The following CDC42SE2 variants were observed in gnomAD, a reference collection of about 807,000 sequenced individuals.
CDC42SE2 encodes CDC42 small effector protein 2.
In CDC42SE2, 3 loss-of-function variants were observed where a neutral mutation model predicts 11.5. The ratio of observed to expected loss-of-function variants is 0.26; its 90% CI spans 0.12 to 0.67. The LOEUF is 0.67. CDC42SE2 is among the 30% of genes least tolerant of loss of function. The probability of loss-of-function intolerance (pLI) is 0.80; values close to 1 mark genes in which losing one functional copy is unlikely to be tolerated. For synonymous variants in CDC42SE2, 33 were observed against 34.8 expected, an observed-to-expected ratio of 0.95 and a Z score of 0.18; for missense variants, 82 against 106.8, an observed-to-expected ratio of 0.77 and a Z score of 1.02.
intron 1 of CDC42SE2, among the ~76,000 whole-genome samples, chr5:131,306,445 G>A (rs745679872): frequency 6.6e-6 from 1 of 152,092 alleles, no homozygotes; most frequent in Non-Finnish European, 1.5e-5. Flanking sequence ...ATCCTGTTCT[G>A]TTGGTCAGTA....
chr5:131,309,522 T>G (rs1179499038), intron 1 of CDC42SE2, among the ~76,000 whole-genome samples: 1 of 151,056 alleles, frequency 6.6e-6, no homozygotes, highest in Non-Finnish European at 1.5e-5. Flanking sequence ...GAAGGAATGG[T>G]ACCAGTTCCT....
Position 131,266,954 on chromosome 5 carries a change from C to CT in CDC42SE2, c.-455+2810dup, listed in dbSNP as rs34496996. ...TGATGTGTTAAGTAAAAGTGTTTGG[C>CT]TTTTTTTTTTTTTTTTTTTTTTCGG... On this transcript the variant is annotated intron_variant, in intron 1 of 4. Transcript: ENST00000505065. Among the ~76,000 whole-genome samples, 322 of 69,514 alleles carry CT rather than the reference C, an allele frequency of 4.6e-3. 2 individuals carry two copies. The highest frequency in any genetic ancestry group is 0.011 in the Middle Eastern group (1 of 88). 45.6% of individuals were successfully genotyped at this position (69,514 alleles called of 152,430 possible).
chr5:131,360,961 T>C (rs1749687974), intron 3 of CDC42SE2, among the ~76,000 whole-genome samples: 1 of 151,924 alleles, frequency 6.6e-6, no homozygotes, highest in African/African-American at 2.4e-5. Flanking sequence ...TGGTGATGTC[T>C]TTTTTAAAAG....
chr5:131,231,850 G>A, the CDC42SE2 span, among the ~76,000 whole-genome samples: 1 of 151,106 alleles, frequency 6.6e-6, no homozygotes, highest in African/African-American at 2.4e-5. Flanking sequence ...GGAGTGTGGT[G>A]GCACGATCTC....
chr5:131,265,650 A>C (rs1032190775), intron 1 of CDC42SE2, among the ~76,000 whole-genome samples: 1 of 152,214 alleles, frequency 6.6e-6, no homozygotes, highest in Admixed American at 6.5e-5. Context: ...CAGTTGGGAA[A>C]GATGGCAGGT....
chr5:131,290,714 A>G (rs530281814), intron 1 of CDC42SE2, among the ~76,000 whole-genome samples: 1 of 152,072 alleles, frequency 6.6e-6, no homozygotes, highest in South Asian at 2.1e-4. Context: ...TCCTGGGCTC[A>G]AGTGATCTGC....
chr5:131,268,699 G>T (rs910328638), intron 1 of CDC42SE2, among the ~76,000 whole-genome samples: 1 of 147,854 alleles, frequency 6.8e-6, no homozygotes, highest in African/African-American at 2.5e-5. Flanking sequence ...TGATCTGCCT[G>T]CCTTAGCCTC....
chr5:131,335,387 G>C (rs561657283), intron 2 of CDC42SE2, among the ~76,000 whole-genome samples: 68 of 152,178 alleles, frequency 4.5e-4, no homozygotes, highest in African/African-American at 1.5e-3. Context: ...TTACTTCCAA[G>C]TATGTGGTCA....
intron 1 of CDC42SE2, among the ~76,000 whole-genome samples, chr5:131,272,448 GT>G (rs1757013448): frequency 6.6e-6 from 1 of 151,982 alleles, no homozygotes; most frequent in Admixed American, 6.6e-5. Flanking sequence ...TTTCCTGTAT[GT>G]TAAAAATGAA....
Position 131,393,980 on chromosome 5 carries a change from A to G in CDC42SE2, c.*2889A>G, listed in dbSNP as rs1488592584. The G allele has an allele frequency of 6.6e-6, 1 of 152,210 alleles. No homozygotes were observed. Among genetic ancestry groups the G allele is most frequent in the African/African-American group, 2.4e-5 (1 of 41,408 alleles). The allele number at this position is 152,210 out of a possible 1,614,324, so 9.4% of individuals were successfully genotyped here. A position where few individuals can be genotyped will look rare whatever the true frequency, so the allele number is the denominator to read the frequency against. On this transcript the variant is annotated 3_prime_UTR_variant, in exon 5 of 5. Transcript: ENST00000505065. The stretch of plus-strand genomic sequence containing the variant: ...TACACTTTATACAGGAGCACATGCC[A>G]AAGTGCCTGGGAGGTGCCAATAAAA...
chr5:131,374,481 AGAT>A (rs1750094051), intron 3 of CDC42SE2, among the ~76,000 whole-genome samples: 2 of 148,028 alleles, frequency 1.4e-5, no homozygotes, highest in East Asian at 4.0e-4. Flanking sequence ...CAGGGAGGCG[AGAT>A]CGTGCCACTG....
intron 1 of CDC42SE2, among the ~76,000 whole-genome samples, chr5:131,265,219 C>T (rs531434730): frequency 6.6e-6 from 1 of 152,188 alleles, no homozygotes; most frequent in African/African-American, 2.4e-5. Context: ...AAATATATAT[C>T]AAATTTGGAT....
At chr5:131,375,030 CCTT>C (rs1033078729) in intron 3 of CDC42SE2, among the ~76,000 whole-genome samples, 9 of 137,078 alleles carry the variant, frequency 6.6e-5, no homozygotes, top group Non-Finnish European at 1.2e-4. Context: ...TTTCTCCCCT[CCTT>C]TTTTTTTTTT....
chr5:131,289,899 G>A, intron 1 of CDC42SE2, among the ~76,000 whole-genome samples: 1 of 151,998 alleles, frequency 6.6e-6, no homozygotes, highest in East Asian at 1.9e-4. Context: ...TAGTAGAGTG[G>A]CACAGTCATA....
chr5:131,285,244 T>C (rs1358776913), intron 1 of CDC42SE2, among the ~76,000 whole-genome samples: 1 of 152,000 alleles, frequency 6.6e-6, no homozygotes, highest in Non-Finnish European at 1.5e-5. Context: ...CGGGTTGTGC[T>C]CCAGCCTGGG....
At chr5:131,300,698 G>C (rs1757659519) in intron 1 of CDC42SE2, among the ~76,000 whole-genome samples, 2 of 151,828 alleles carry the variant, frequency 1.3e-5, no homozygotes, top group Non-Finnish European at 1.5e-5. Flanking sequence ...CAGGAGAATG[G>C]CGTGAACCTG....
At chr5:131,255,092 T>C (rs1756670279) in intron 1 of CDC42SE2, 1 of 152,194 alleles carries the variant, frequency 6.6e-6, no homozygotes, top group African/African-American at 2.4e-5. Flanking sequence ...ATGTTTATTT[T>C]AGAATTGACA....
chr5:131,339,246 GA>G (rs34594352), intron 2 of CDC42SE2, among the ~76,000 whole-genome samples: 1,300 of 28,118 alleles, frequency 0.046, 9 homozygotes, highest in African/African-American at 0.1. Context: ...GACTCTGTCT[GA>G]AAAAAAAAAA....
chr5:131,348,087 G>A (rs1758897875), intron 2 of CDC42SE2, among the ~76,000 whole-genome samples: 1 of 152,164 alleles, frequency 6.6e-6, no homozygotes, highest in African/African-American at 2.4e-5. Flanking sequence ...ACTGGCACAA[G>A]ACAGGGATGT....
Sources: allele counts gnomAD v4.1 joint callset (sites outside exome capture counted in the v4.1 genomes callset), GRCh38; gene constraint gnomAD v4.1.1; transcripts MANE v1.5; gene names NCBI Gene and HGNC (gene_info 2026-07-23, HGNC 2026-07-21).